The following GSPT1 variants were observed in gnomAD, a reference collection of about 807,000 sequenced individuals.
GSPT1 encodes eukaryotic peptide chain release factor GTP-binding subunit ERF3A.
In GSPT1, 20 loss-of-function variants were observed where a neutral mutation model predicts 72.5. That is an observed-to-expected ratio of 0.28 (90% CI 0.19 to 0.40). The LOEUF (loss-of-function observed/expected upper bound fraction) is 0.40. GSPT1 is among the 10% of genes least tolerant of loss of function. The pLI is 1.00. For missense variants in GSPT1, 580 were observed against 811.9 expected, an observed-to-expected ratio of 0.71 and a Z score of 3.47; for synonymous variants, 334 against 293.5, an observed-to-expected ratio of 1.14 and a Z score of -1.41.
Position 11,899,061 on chromosome 16 carries a change from G to C in GSPT1, c.353-1026C>G, listed in dbSNP as rs143780137. On this transcript the variant is annotated intron_variant, in intron 1 of 14. Transcript: ENST00000434724. ...TTTGGATTTTAGTTTGTCAGATACA[G>C]ACAAACCTAAATTATACTCCAATAT... Among the ~76,000 whole-genome samples the C allele has an allele frequency of 2.6e-5, 4 of 152,170 alleles. No homozygotes were observed. In the East Asian group the frequency reaches 7.7e-4, roughly 29 times the overall value.
Position 11,907,770 on chromosome 16 carries a change from G to C in GSPT1, c.352+7599C>G, listed in dbSNP as rs181485887. 3.8e-4 allele frequency among the ~76,000 whole-genome samples: 58 copies of C among 152,242 alleles called. No homozygotes were observed. In the East Asian group the frequency reaches 8.7e-3, roughly 23 times the overall value. On this transcript the variant is annotated intron_variant, in intron 1 of 14. Coordinates refer to ENST00000434724, the MANE Select transcript of GSPT1 (RefSeq NM_002094.4). ...AGTTCCTTTATCTGAAAATGAAGAGGCTGTACAACTGCTAGGGTCGTATCC... is the reference window on the plus strand; with the variant it reads ...AGTTCCTTTATCTGAAAATGAAGAGCCTGTACAACTGCTAGGGTCGTATCC...
intron 3 of GSPT1, 104 bp from the exon 4 acceptor site, chr16:11,896,889 C>A (rs1163694623): frequency 2.7e-6 from 2 of 751,896 alleles, no homozygotes; most frequent in South Asian, 1.8e-5. Flanking sequence ...ATATGTAGTT[C>A]CATTTCCTAA....
chr16:11,895,070 T>C, intron 4 of GSPT1, 83 bp from the exon 5 acceptor site: 1 of 794,380 alleles, frequency 1.3e-6, no homozygotes, highest in South Asian at 1.5e-5. Flanking sequence ...CCCTTTAACA[T>C]ACATAATTAA....
intron 14 of GSPT1, 60 bp from the exon 15 acceptor site, chr16:11,873,231 TAAAAC>T: frequency 1.3e-6 from 1 of 797,164 alleles, no homozygotes; most frequent in Non-Finnish European, 2.1e-6. Context: ...TATAAGATAT[TAAAAC>T]TTATTATTTT....
intron 3 of GSPT1, among the ~76,000 whole-genome samples, 176 bp from the exon 4 acceptor site, chr16:11,896,961 G>T (rs1246336308): frequency 6.6e-6 from 1 of 152,178 alleles, no homozygotes; most frequent in Non-Finnish European, 1.5e-5. Flanking sequence ...CAGCTTTCAA[G>T]GCAGACTCAC....
intron 1 of GSPT1, among the ~76,000 whole-genome samples, chr16:11,900,330 C>A (rs368641978): frequency 1.3e-3 from 185 of 141,808 alleles, no homozygotes; most frequent in Non-Finnish European, 1.4e-3. Context: ...AACTCCGTCT[C>A]AAAAAAAAAA....
chr16:11,910,225 A>G (rs532310000), intron 1 of GSPT1, among the ~76,000 whole-genome samples: 26 of 152,240 alleles, frequency 1.7e-4, no homozygotes, highest in Non-Finnish European at 3.2e-4. Flanking sequence ...CAGTGAGCAG[A>G]TAATAGATAA....
rs759469574 is a variant in GSPT1 at position 11,915,562 on chromosome 16, C to G, written c.159G>C (p.Ala53=). ...PCGGGGSLAA[A]AEAQRENLSA... is the part of the protein sequence containing the mutation. ...TGAGGTTCTCCCGCTGGGCCTCGGC[C>G]GCCGCCGCCAGGGAGCCGCCGCCGC... The change falls in exon 1 of 15, where the codon GCG becomes GCC. Residue 53 remains alanine, a synonymous_variant. Transcript: ENST00000434724. The G allele has an allele frequency of 6.7e-7, 1 of 1,490,904 alleles. No individual in the cohort carries two copies. The highest frequency in any genetic ancestry group is 1.3e-5 in the South Asian group (1 of 78,700). The allele number at this position is 1,490,904 out of a possible 1,614,324, so 92.4% of individuals were successfully genotyped here. A position where few individuals can be genotyped will look rare whatever the true frequency, so the allele number is the denominator to read the frequency against.
At chr16:11,888,454 T>A (rs1305019539) in intron 6 of GSPT1, among the ~76,000 whole-genome samples, 4 of 130,860 alleles carry the variant, frequency 3.1e-5, no homozygotes, top group African/African-American at 1.2e-4. Flanking sequence ...AGAGGGAGAC[T>A]CTGTCTCTCA....
At chr16:11,875,379 A>C (rs960472042) in intron 14 of GSPT1, among the ~76,000 whole-genome samples, 3 of 152,320 alleles carry the variant, frequency 2.0e-5, no homozygotes, top group African/African-American at 7.2e-5. Context: ...GGATGCACAC[A>C]AAAGGTCACA....
At chr16:11,873,253 CA>C in intron 14 of GSPT1, 82 bp from the exon 15 acceptor site, 1 of 681,914 alleles carries the variant, frequency 1.5e-6, no homozygotes, top group South Asian at 1.9e-5. Flanking sequence ...TTTTAAATCA[CA>C]AAAATATTTT....
chr16:11,877,539 C>G lies in GSPT1; in HGVS notation c.1470G>C (p.Glu490Asp). ...EVLGILSDDV[E>D]TDTVAPGENL... is the part of the protein sequence containing the mutation. ...TTTCACCTGGGGCTACGGTATCAGT[C>G]TCTACATCATCGGAAAGTATTCCAA... Residue 490 changes from glutamate to aspartate, a missense_variant, in exon 12 of 15, where the codon GAG (glutamate) becomes GAC (aspartate). This residue lies in a region of GSPT1 where 120 missense variants were observed against 242.5 expected (regional missense o/e 0.49). Transcript: ENST00000434724. This position sits in a 1 kb window ranked among gnomAD's most constrained non-coding sequence, Gnocchi z 4.0. 6.2e-7 allele frequency: 1 copy of G among 1,606,604 alleles called. No homozygotes were observed. Among genetic ancestry groups the G allele is most frequent in the Non-Finnish European group, 8.5e-7 (1 of 1,177,336 alleles).
intron 11 of GSPT1, among the ~76,000 whole-genome samples, chr16:11,879,481 C>T (rs33652): frequency 0.47 from 70,079 of 150,388 alleles, 17,589 homozygotes; most frequent in East Asian, 0.77. Context: ...ACGCCTGTAA[C>T]CCCAGCACTT....
intron 14 of GSPT1, 135 bp downstream of exon 14, chr16:11,875,626 A>G: frequency 1.7e-6 from 1 of 601,410 alleles, no homozygotes; most frequent in Non-Finnish European, 2.8e-6. Context: ...CAACTCATAA[A>G]ACACTCATAC....
intron 4 of GSPT1, among the ~76,000 whole-genome samples, chr16:11,895,815 C>CG (rs1242137177): frequency 6.6e-6 from 1 of 152,052 alleles, no homozygotes; most frequent in African/African-American, 2.4e-5. Flanking sequence ...TTAGTAGAGA[C>CG]GGGGTTTCAC....
chr16:11,909,115 C>T (rs887713174), intron 1 of GSPT1, among the ~76,000 whole-genome samples: 1 of 151,500 alleles, frequency 6.6e-6, no homozygotes, highest in African/African-American at 2.4e-5. Flanking sequence ...AGTGAAGCGA[C>T]ATACAATTAC....
Position 11,872,937 on chromosome 16 carries a change from G to A in GSPT1, c.*182C>T, listed in dbSNP as rs543570066. 2.0e-5 allele frequency: 10 copies of A among 490,242 alleles called. No homozygotes were observed. Among genetic ancestry groups the A allele is most frequent in the African/African-American group, 1.3e-4 (7 of 52,472 alleles). The allele number at this position is 490,242 out of a possible 1,614,324, so 30.4% of individuals were successfully genotyped here. On this transcript the variant is annotated 3_prime_UTR_variant, in exon 15 of 15. Coordinates refer to ENST00000434724, the MANE Select transcript of GSPT1 (RefSeq NM_002094.4). ...CAGGAATCTTGGGAAAAATTCAACA[G>A]TGGCATAGCAGAGCTCTCAATATGA...
chr16:11,900,037 T>A (rs1450775849), intron 1 of GSPT1, among the ~76,000 whole-genome samples: 1 of 152,150 alleles, frequency 6.6e-6, no homozygotes, highest in African/African-American at 2.4e-5. Flanking sequence ...ATCCTATCAA[T>A]ATGTATTGAG....
At chr16:11,874,119 G>T (rs1295689792) in intron 14 of GSPT1, among the ~76,000 whole-genome samples, 1 of 152,104 alleles carries the variant, frequency 6.6e-6, no homozygotes, top group South Asian at 2.1e-4. Flanking sequence ...GGTGGAGGTG[G>T]GAATAAGGGG....
Sources: gnomAD v4.1 joint callset for allele counts (sites outside exome capture counted in the v4.1 genomes callset) on GRCh38, gnomAD v4.1.1 for gene constraint, gnomAD v4.1.1 regional missense constraint, Gnocchi (gnomAD v3.1) non-coding constraint, MANE v1.5 for transcripts, NCBI Gene and HGNC (gene_info 2026-07-23, HGNC 2026-07-21) for gene names.